ABL2: variants seen among roughly 807,000 people sequenced by gnomAD.
ABL2 encodes tyrosine-protein kinase ABL2.
A neutral mutation model predicts 107.7 loss-of-function variants in ABL2; 49 were observed. The observed-to-expected ratio is 0.45, with a 90% CI of 0.36 to 0.58. The LOEUF (loss-of-function observed/expected upper bound fraction) is 0.58, where lower values mean the gene tolerates loss of function less well. ABL2 is among the 20% of genes least tolerant of loss of function. The probability of loss-of-function intolerance (pLI) is 0.00; values close to 1 mark genes in which losing one functional copy is unlikely to be tolerated. For synonymous variants in ABL2, 549 were observed against 548.6 expected (o/e 1.00, Z -0.01); for missense variants, 1,245 against 1,457.0 (o/e 0.85, Z 2.37).
At chr1:179,179,634 T>C (rs1305511703) in intron 1 of ABL2, among the ~76,000 whole-genome samples, 1 of 152,086 alleles carries the variant, frequency 6.6e-6, no homozygotes, top group Non-Finnish European at 1.5e-5. Flanking sequence ...GTTTTTGGTA[T>C]CATAGAGCAA....
At chr1:179,160,315 A>C (rs1436023999) in intron 1 of ABL2, among the ~76,000 whole-genome samples, 1 of 151,794 alleles carries the variant, frequency 6.6e-6, no homozygotes, top group East Asian at 1.9e-4. Flanking sequence ...GGAGTTCAAG[A>C]CCAGCCTGGG....
intron 1 of ABL2, among the ~76,000 whole-genome samples, chr1:179,143,465 T>C (rs1657767768): frequency 6.6e-6 from 1 of 152,178 alleles, no homozygotes; most frequent in African/African-American, 2.4e-5. Flanking sequence ...AATACACTTT[T>C]AAAAGAAAGG....
intron 1 of ABL2, among the ~76,000 whole-genome samples, chr1:179,224,552 A>G (rs962831166): frequency 1.3e-5 from 2 of 150,340 alleles, no homozygotes; most frequent in Non-Finnish European, 3.0e-5. Context: ...TATAGGTGTG[A>G]GCCACCACGC....
chr1:179,181,031 C>T (rs943538098), intron 1 of ABL2, among the ~76,000 whole-genome samples: 1 of 152,190 alleles, frequency 6.6e-6, no homozygotes, highest in Non-Finnish European at 1.5e-5. Flanking sequence ...CAAACTGCCA[C>T]CAAAAAGAAC....
chr1:179,145,895 A>ACT (rs1553224127), intron 1 of ABL2, among the ~76,000 whole-genome samples: 1 of 142,296 alleles, frequency 7.0e-6, no homozygotes, highest in South Asian at 2.2e-4. Flanking sequence ...TCTGATCTCC[A>ACT]TTTTTTTTTT....
chr1:179,127,323 T>C (rs1310749559), intron 3 of ABL2, among the ~76,000 whole-genome samples: 1 of 152,158 alleles, frequency 6.6e-6, no homozygotes, highest in Non-Finnish European at 1.5e-5. Flanking sequence ...AGTTTAAAAA[T>C]AGCTATAGCT....
chr1:179,120,710 C>T (rs1028398373), intron 5 of ABL2, among the ~76,000 whole-genome samples: 4 of 152,156 alleles, frequency 2.6e-5, no homozygotes, highest in African/African-American at 4.8e-5. Flanking sequence ...TGAGCCACCA[C>T]GCCCAGCTGA....
At chr1:179,185,384 CA>C (rs1660624147) in intron 1 of ABL2, among the ~76,000 whole-genome samples, 1 of 152,112 alleles carries the variant, frequency 6.6e-6, no homozygotes, top group African/African-American at 2.4e-5. Flanking sequence ...GGAGAATCAG[CA>C]AAACCTGTAG....
chr1:179,171,511 A>C (rs1659716490), intron 1 of ABL2, among the ~76,000 whole-genome samples: 1 of 152,222 alleles, frequency 6.6e-6, no homozygotes, highest in African/African-American at 2.4e-5. Flanking sequence ...ATGACTTTTA[A>C]AGACACAGGG....
In ABL2 at chr1:179,107,795, C is replaced by T. The variant is rs765897237; in HGVS notation, c.3472G>A (p.Gly1158Ser). The T allele has an allele frequency of 1.4e-4, 232 of 1,614,060 alleles. No individual in the cohort carries two copies. The highest frequency in any genetic ancestry group is 1.9e-4 in the Non-Finnish European group (225 of 1,180,042). The change falls in exon 12 of 12, where the codon GGT becomes AGT. Residue 1158 changes from glycine (G) to serine (S), a missense_variant. Around this residue, in one of 3 missense-constraint regions of ABL2, gnomAD observed 761 missense variants for 766.4 expected, o/e 0.99. Coordinates refer to ENST00000502732, the MANE Select transcript of ABL2 (RefSeq NM_007314.4). Reference sequence around the variant, plus strand: ...AGGACAGGGTTTGTCCCGGGCACACCAGCAGCTGCTGAAGAAACCTGTAGC... The same window carrying T: ...AGGACAGGGTTTGTCCCGGGCACACTAGCAGCTGCTGAAGAAACCTGTAGC... Reference protein sequence around the residue: ...QELQVSSAAAGVPGTNPVLNN... With the variant: ...QELQVSSAAASVPGTNPVLNN...
chr1:179,152,870 T>A (rs1210549290), intron 1 of ABL2, among the ~76,000 whole-genome samples: 1 of 152,224 alleles, frequency 6.6e-6, no homozygotes, highest in African/African-American at 2.4e-5. Context: ...AGAAGGGATT[T>A]GATAATTATC....
intron 1 of ABL2, among the ~76,000 whole-genome samples, chr1:179,133,973 A>G (rs938648750): frequency 1.3e-5 from 2 of 152,180 alleles, no homozygotes; most frequent in African/African-American, 2.4e-5. Context: ...AAACTGGATA[A>G]TGGGGGCTAC....
intron 4 of ABL2, among the ~76,000 whole-genome samples, 178 bp from the exon 5 acceptor site, chr1:179,122,045 CCT>C (rs375041616): frequency 6.7e-6 from 1 of 149,672 alleles, no homozygotes; most frequent in Non-Finnish European, 1.5e-5. Context: ...CCTGCCTCAG[CCT>C]CTCTGAGTAG....
chr1:179,117,277 G>A (rs1314436965), intron 8 of ABL2, 55 bp downstream of exon 8: 1 of 1,518,866 alleles, frequency 6.6e-7, no homozygotes, highest in Non-Finnish European at 9.1e-7. Context: ...AAGAATCAAG[G>A]CATTTATAAA....
chr1:179,226,148 T>C (rs1663193170), intron 1 of ABL2, among the ~76,000 whole-genome samples: 1 of 151,414 alleles, frequency 6.6e-6, no homozygotes, highest in Admixed American at 6.6e-5. Flanking sequence ...TTGTTTCCTA[T>C]ATTATTTGCT....
At chr1:179,173,445 C>T (rs993603015) in intron 1 of ABL2, among the ~76,000 whole-genome samples, 13 of 147,942 alleles carry the variant, frequency 8.8e-5, no homozygotes, top group Admixed American at 5.5e-4. Flanking sequence ...TCACTGCAAC[C>T]TCCATCTCCC....
In ABL2 at chr1:179,107,705, A is replaced by C. The variant is rs1653564325; in HGVS notation, c.*13T>G. On this transcript the variant is annotated 3_prime_UTR_variant, in exon 12 of 12. Transcript: ENST00000502732. ...TCAGAAATGTGTGCATTTTCCCACC[A>C]GGCTAACAGTGGCTACCTCTGCACC... 1 of 1,574,502 alleles carries C rather than the reference A, an allele frequency of 6.4e-7. No homozygotes were observed. Among genetic ancestry groups the C allele is most frequent in the African/African-American group, 1.4e-5 (1 of 73,810 alleles).
At chr1:179,120,349 C>T (rs1384235351) in intron 5 of ABL2, 75 bp from the exon 6 acceptor site, 9 of 857,738 alleles carry the variant, frequency 1.0e-5, no homozygotes, top group Non-Finnish European at 1.7e-5. Context: ...TCATTCATCT[C>T]ACAATCATAA....
chr1:179,221,992 C>A (rs953274908), intron 1 of ABL2: 1 of 214,450 alleles, frequency 4.7e-6, no homozygotes, highest in Non-Finnish European at 1.1e-5. Flanking sequence ...CCAGAAGACA[C>A]GAATCTTTTC....
Sources: allele counts gnomAD v4.1 joint callset (sites outside exome capture counted in the v4.1 genomes callset), GRCh38; gene constraint gnomAD v4.1.1; regional missense constraint gnomAD v4.1.1; transcripts MANE v1.5; gene names NCBI Gene and HGNC (gene_info 2026-07-23, HGNC 2026-07-21).